The following VDAC1 variants were observed in gnomAD, a reference collection of about 807,000 sequenced individuals.
The protein encoded by VDAC1 is non-selective voltage-gated ion channel VDAC1.
VDAC1 carries 10 observed loss-of-function variants against 34.7 expected under a neutral mutation model. The observed-to-expected ratio is 0.29, with a 90% CI of 0.18 to 0.49. The LOEUF (loss-of-function observed/expected upper bound fraction) is 0.49, where lower values mean the gene tolerates loss of function less well. VDAC1 is among the 20% of genes least tolerant of loss of function. VDAC1 has a pLI of 0.99. For missense variants in VDAC1, 230 were observed against 347.9 expected (o/e 0.66, Z 2.69); for synonymous variants, 130 against 136.0 (o/e 0.96, Z 0.30).
the VDAC1 span, among the ~76,000 whole-genome samples, chr5:134,108,617 G>A: frequency 6.6e-6 from 1 of 152,162 alleles, no homozygotes; most frequent in Non-Finnish European, 1.5e-5. Flanking sequence ...CAAGGCAGTG[G>A]GTCATATACT....
the VDAC1 span, among the ~76,000 whole-genome samples, chr5:134,040,842 C>T: frequency 2.0e-5 from 3 of 152,170 alleles, no homozygotes; most frequent in South Asian, 2.1e-4. Flanking sequence ...AAAGGGGTCA[C>T]TCTAGGAAGT....
the VDAC1 span, among the ~76,000 whole-genome samples, chr5:134,099,835 G>A: frequency 1.7e-4 from 26 of 152,266 alleles, no homozygotes; most frequent in African/African-American, 6.3e-4. Context: ...CTCCAGTCTC[G>A]GCCTCTCAAA....
chr5:134,095,924 G>C, the VDAC1 span, among the ~76,000 whole-genome samples: 111,891 of 152,134 alleles, frequency 0.74, 43,248 homozygotes, highest in Non-Finnish European at 0.87. Context: ...TGCTTGTCTA[G>C]CTTCTAGAGA....
chr5:134,058,901 C>T, the VDAC1 span, among the ~76,000 whole-genome samples: 1 of 152,234 alleles, frequency 6.6e-6, no homozygotes, highest in Non-Finnish European at 1.5e-5. Context: ...ACCTTGCCCT[C>T]TCCCCAGGAG....
the VDAC1 span, among the ~76,000 whole-genome samples, chr5:134,034,339 C>A: frequency 6.6e-6 from 1 of 152,202 alleles, no homozygotes; most frequent in Non-Finnish European, 1.5e-5. Flanking sequence ...TGAATGTGAC[C>A]TTCTTTGGAG....
At chr5:134,093,515 A>T in the VDAC1 span, among the ~76,000 whole-genome samples, 1 of 152,164 alleles carries the variant, frequency 6.6e-6, no homozygotes, top group Non-Finnish European at 1.5e-5. Context: ...TCCCCTCATG[A>T]TGCAAAGCAG....
the VDAC1 span, among the ~76,000 whole-genome samples, chr5:134,095,338 CT>C: frequency 9.5e-3 from 1,437 of 151,820 alleles, 29 homozygotes; most frequent in African/African-American, 0.033. Flanking sequence ...TTAAAATTAG[CT>C]GGGTATGGTG....
At chr5:134,097,810 C>T in the VDAC1 span, among the ~76,000 whole-genome samples, 14 of 152,302 alleles carry the variant, frequency 9.2e-5, no homozygotes, top group East Asian at 1.9e-3. Context: ...AAGGTTTTTC[C>T]ACTGGGACCC....
chr5:134,045,552 C>G, the VDAC1 span, among the ~76,000 whole-genome samples: 2 of 152,202 alleles, frequency 1.3e-5, no homozygotes. Context: ...AAATCTGTCT[C>G]TGGCCTCTGT....
At chr5:134,099,227 A>G in the VDAC1 span, among the ~76,000 whole-genome samples, 1 of 152,198 alleles carries the variant, frequency 6.6e-6, no homozygotes, top group Non-Finnish European at 1.5e-5. Context: ...TAGGCCATCA[A>G]AAAAAGCCAG....
chr5:134,035,904 G>A, the VDAC1 span, among the ~76,000 whole-genome samples: 1 of 151,682 alleles, frequency 6.6e-6, no homozygotes, highest in African/African-American at 2.4e-5. Flanking sequence ...TACTAGGGAG[G>A]CTGAGGCAGG....
At chr5:134,020,300 C>T in the VDAC1 span, among the ~76,000 whole-genome samples, 3 of 152,090 alleles carry the variant, frequency 2.0e-5, no homozygotes, top group South Asian at 6.2e-4. Flanking sequence ...AGCAGCCTGC[C>T]ACCCAACCTG....
chr5:133,996,538 C>T (rs934293438), intron 1 of VDAC1, among the ~76,000 whole-genome samples: 6 of 152,008 alleles, frequency 3.9e-5, no homozygotes, highest in Non-Finnish European at 8.8e-5. Context: ...ATGACAGCTG[C>T]TGTGCTCACC....
At chr5:133,987,163 C>A (rs1419304613) in intron 5 of VDAC1, among the ~76,000 whole-genome samples, 4 of 150,804 alleles carry the variant, frequency 2.7e-5, no homozygotes, top group Non-Finnish European at 4.4e-5. Context: ...GAGTTTGAGA[C>A]CAGACTGAGC....
At chr5:134,070,613 C>T in the VDAC1 span, among the ~76,000 whole-genome samples, 2 of 152,148 alleles carry the variant, frequency 1.3e-5, no homozygotes, top group African/African-American at 4.8e-5. Flanking sequence ...AGTCTTTTTT[C>T]CATACAGGCT....
the VDAC1 span, among the ~76,000 whole-genome samples, chr5:134,109,663 G>A: frequency 6.6e-6 from 1 of 151,982 alleles, no homozygotes; most frequent in Non-Finnish European, 1.5e-5. Context: ...CCAGCTACTG[G>A]GTAGGCTGAG....
chr5:134,068,900 C>G, the VDAC1 span, among the ~76,000 whole-genome samples: 1 of 151,570 alleles, frequency 6.6e-6, no homozygotes, highest in Non-Finnish European at 1.5e-5. Flanking sequence ...TTAAAAATCT[C>G]TAAGCTGAAT....
chr5:134,051,823 C>T, the VDAC1 span, among the ~76,000 whole-genome samples: 7 of 152,026 alleles, frequency 4.6e-5, no homozygotes, highest in Non-Finnish European at 8.8e-5. Context: ...CTCAGCCTCC[C>T]GAGTATCTGG....
At chr5:133,992,875 T>C in intron 2 of VDAC1, 71 bp downstream of exon 2, 1 of 1,483,478 alleles carries the variant, frequency 6.7e-7, no homozygotes, top group Non-Finnish European at 9.3e-7. Flanking sequence ...TCCTAAACAG[T>C]TATCGGTAAA....
Sources: allele counts gnomAD v4.1 joint callset (sites outside exome capture counted in the v4.1 genomes callset), GRCh38; gene constraint gnomAD v4.1.1; transcripts MANE v1.5; gene names NCBI Gene and HGNC (gene_info 2026-07-23, HGNC 2026-07-21).